WSCD2: variants seen among roughly 807,000 people sequenced by gnomAD.
WSCD2 encodes the protein WSC domain sialate O sulfotransferase 2.
WSCD2 carries 28 observed loss-of-function variants against 55.7 expected under a neutral mutation model. The ratio of observed to expected loss-of-function variants is 0.50; its 90% CI spans 0.37 to 0.69. WSCD2 has a LOEUF of 0.69. Among genes scored for constraint, WSCD2 ranks in the 30% least tolerant of loss-of-function variants. The probability of loss-of-function intolerance (pLI) is 0.00; values close to 1 mark genes in which losing one functional copy is unlikely to be tolerated. For synonymous variants in WSCD2, 301 were observed against 301.9 expected, an observed-to-expected ratio of 1.00 and a Z score of 0.03; for missense variants, 616 against 762.1, an observed-to-expected ratio of 0.81 and a Z score of 2.26.
At chr12:108,171,220 C>T (rs1880206880) in intron 1 of WSCD2, among the ~76,000 whole-genome samples, 1 of 152,218 alleles carries the variant, frequency 6.6e-6, no homozygotes, top group Non-Finnish European at 1.5e-5. Context: ...GCATAAAAAT[C>T]CACGATCACC....
At chr12:108,179,566 T>C (rs1207193393) in intron 1 of WSCD2, among the ~76,000 whole-genome samples, 1 of 152,206 alleles carries the variant, frequency 6.6e-6, no homozygotes, top group Admixed American at 6.5e-5. Flanking sequence ...GGATTGGCAA[T>C]TGTACATGAG....
chr12:108,205,711 T>C (rs1218259406), intron 2 of WSCD2, among the ~76,000 whole-genome samples: 2 of 152,196 alleles, frequency 1.3e-5, no homozygotes, highest in Non-Finnish European at 2.9e-5. Flanking sequence ...TGGTAGAAAC[T>C]TTTACATAAA....
chr12:108,219,607 A>G (rs1887246387), intron 4 of WSCD2, among the ~76,000 whole-genome samples: 1 of 152,158 alleles, frequency 6.6e-6, no homozygotes, highest in Non-Finnish European at 1.5e-5. Context: ...ACACATGCAC[A>G]AACACCACTC....
intron 1 of WSCD2, among the ~76,000 whole-genome samples, chr12:108,173,601 T>C (rs1035760428): frequency 6.6e-6 from 1 of 151,842 alleles, no homozygotes; most frequent in African/African-American, 2.4e-5. Flanking sequence ...TGTGGACTGA[T>C]TGCCCAGTAG....
chr12:108,192,119 C>G lies in WSCD2; in HGVS notation c.-551-3163C>G, dbSNP rs116733084. ...GAAAACTTTGCTGTCTCCACGACAGCAAATGTGCTGAGGTGGCAAATGGCT... is the reference window on the plus strand; with the variant it reads ...GAAAACTTTGCTGTCTCCACGACAGGAAATGTGCTGAGGTGGCAAATGGCT... On this transcript the variant is annotated intron_variant, in intron 1 of 8. Coordinates refer to ENST00000547525, the MANE Select transcript of WSCD2 (RefSeq NM_014653.4). Among the ~76,000 whole-genome samples the G allele has an allele frequency of 1.7e-3, 263 of 152,354 alleles. 2 individuals carry two copies. The highest frequency in any genetic ancestry group is 6.2e-3 in the African/African-American group (257 of 41,578).
chr12:108,140,865 C>T (rs987429762), intron 1 of WSCD2, among the ~76,000 whole-genome samples: 2 of 152,196 alleles, frequency 1.3e-5, no homozygotes, highest in African/African-American at 2.4e-5. Flanking sequence ...CCCTGGGCAT[C>T]GTGGCAGAGC....
rs916136086 is a variant in WSCD2 at position 108,250,100 on chromosome 12, G to A, written c.*1757G>A. ...TCAGGTCAACACCATCATTAAATGC[G>A]AGTTTTGTTGATGATTCTACCATGT... is the stretch of plus-strand genomic sequence containing the variant. On this transcript the variant is annotated 3_prime_UTR_variant, in exon 9 of 9. Transcript: ENST00000547525. 6.6e-6 allele frequency: 1 copy of A among 152,096 alleles called. No individual in the cohort carries two copies. Among genetic ancestry groups the A allele is most frequent in the Non-Finnish European group, 1.5e-5 (1 of 68,040 alleles). 9.4% of individuals were successfully genotyped at this position (152,096 alleles called of 1,614,324 possible). A position where few individuals can be genotyped will look rare whatever the true frequency, so the allele number is the denominator to read the frequency against.
At chr12:108,148,974 G>A (rs1265477901) in intron 1 of WSCD2, among the ~76,000 whole-genome samples, 1 of 152,160 alleles carries the variant, frequency 6.6e-6, no homozygotes, top group Non-Finnish European at 1.5e-5. Context: ...GGGTCAAGGA[G>A]ACACAACCCA....
chr12:108,150,118 AGGGT>A (rs111852335), intron 1 of WSCD2, among the ~76,000 whole-genome samples: 3,218 of 152,154 alleles, frequency 0.021, 133 homozygotes, highest in African/African-American at 0.074. Flanking sequence ...CAGCCCTATG[AGGGT>A]GGTGTTATTA....
At chr12:108,147,328 G>A (rs1425468642) in intron 1 of WSCD2, among the ~76,000 whole-genome samples, 1 of 152,224 alleles carries the variant, frequency 6.6e-6, no homozygotes, top group Non-Finnish European at 1.5e-5. Context: ...AGGAGACGAA[G>A]ACTGGGGAGC....
At chr12:108,206,503 G>A in intron 3 of WSCD2, 100 bp downstream of exon 3, 1 of 1,174,984 alleles carries the variant, frequency 8.5e-7, no homozygotes, top group Non-Finnish European at 1.2e-6. Flanking sequence ...TGTGTTGAAG[G>A]GTGAGCACGT....
chr12:108,213,863 A>T (rs1886517978), intron 4 of WSCD2, among the ~76,000 whole-genome samples: 1 of 152,050 alleles, frequency 6.6e-6, no homozygotes, highest in Admixed American at 6.5e-5. Context: ...TCAGAACACC[A>T]TCTCTCTTTT....
intron 1 of WSCD2, among the ~76,000 whole-genome samples, chr12:108,142,040 A>T (rs2136883666): frequency 6.6e-6 from 1 of 152,332 alleles, no homozygotes; most frequent in African/African-American, 2.4e-5. Context: ...AAGAGTCAAC[A>T]AATTAGTTTC....
At chr12:108,232,412 A>G (rs1253283340) in intron 6 of WSCD2, among the ~76,000 whole-genome samples, 1 of 151,914 alleles carries the variant, frequency 6.6e-6, no homozygotes, top group African/African-American at 2.4e-5. Flanking sequence ...TGCTGGGGGG[A>G]AACTGGGGCT....
At chr12:108,161,116 C>T (rs952772277) in intron 1 of WSCD2, among the ~76,000 whole-genome samples, 10 of 152,116 alleles carry the variant, frequency 6.6e-5, no homozygotes, top group South Asian at 2.1e-4. Flanking sequence ...TGTGACTTTA[C>T]GGGAGATTTT....
chr12:108,242,374 C>T (rs1222712653), intron 8 of WSCD2, among the ~76,000 whole-genome samples: 2 of 152,148 alleles, frequency 1.3e-5, no homozygotes, highest in Admixed American at 1.3e-4. Flanking sequence ...ATTGGTAGAA[C>T]AGTCAATCAA....
At chr12:108,147,922 T>A (rs374566457) in intron 1 of WSCD2, among the ~76,000 whole-genome samples, 54 of 151,796 alleles carry the variant, frequency 3.6e-4, no homozygotes, top group African/African-American at 1.2e-3. Context: ...CTACATAAGA[T>A]CTTTGGTAAA....
intron 1 of WSCD2, among the ~76,000 whole-genome samples, chr12:108,132,444 A>T (rs1565906751): frequency 6.6e-6 from 1 of 152,168 alleles, no homozygotes; most frequent in East Asian, 1.9e-4. Flanking sequence ...GTGTGCACTC[A>T]TGAGATAGTG....
At chr12:108,154,872 C>T (rs1205057791) in intron 1 of WSCD2, among the ~76,000 whole-genome samples, 1 of 152,116 alleles carries the variant, frequency 6.6e-6, no homozygotes, top group African/African-American at 2.4e-5. Context: ...GTGTGATGGG[C>T]ACTTATGATT....
Sources: gnomAD v4.1 joint callset for allele counts (sites outside exome capture counted in the v4.1 genomes callset) on GRCh38, gnomAD v4.1.1 for gene constraint, MANE v1.5 for transcripts, NCBI Gene and HGNC (gene_info 2026-07-23, HGNC 2026-07-21) for gene names.